Variants in TIAM1 observed in about 807,000 individuals in gnomAD.
The protein encoded by TIAM1 is rho guanine nucleotide exchange factor TIAM1.
Under a neutral mutation model 163.5 loss-of-function variants are expected in TIAM1, and 65 were observed. The ratio of observed to expected loss-of-function variants is 0.40; its 90% CI spans 0.33 to 0.49. The LOEUF is 0.49. Ranked by LOEUF, TIAM1 falls within the 20% of genes least tolerant of loss-of-function variation. TIAM1 has a pLI of 0.77. For missense variants in TIAM1, 1,789 were observed against 2,044.7 expected, an observed-to-expected ratio of 0.87 and a Z score of 2.41; for synonymous variants, 833 against 810.1, an observed-to-expected ratio of 1.03 and a Z score of -0.48.
At chr21:31,172,012 G>A (rs1199934574) in intron 15 of TIAM1, among the ~76,000 whole-genome samples, 1 of 152,202 alleles carries the variant, frequency 6.6e-6, no homozygotes, top group Non-Finnish European at 1.5e-5. Context: ...AGCTGAGTCT[G>A]GCCCAAACTG....
chr21:31,529,810 C>G (rs550443355), intron 1 of TIAM1, among the ~76,000 whole-genome samples: 1 of 152,192 alleles, frequency 6.6e-6, no homozygotes, highest in Admixed American at 6.5e-5. Flanking sequence ...CTCATGCCCC[C>G]TTCCTCTCGA....
rs771435936 is a variant in TIAM1 at position 31,141,319 on chromosome 21, G to C, written c.3655+6C>G. ...GGCCTGCCGGGGGTCCCAGGCCGAGGCCTACCGTCCAGGTGGTAGTGCTCC... is the reference window on the plus strand; with the variant it reads ...GGCCTGCCGGGGGTCCCAGGCCGAGCCCTACCGTCCAGGTGGTAGTGCTCC... On this transcript the variant is annotated splice_donor_region_variant and intron_variant, in intron 21 of 27. Coordinates refer to ENST00000541036, the MANE Select transcript of TIAM1 (RefSeq NM_001353694.2). This position sits in a 1 kb window ranked among gnomAD's most constrained non-coding sequence, Gnocchi z 4.7. 6.2e-7 allele frequency: 1 copy of C among 1,613,906 alleles called. No homozygotes were observed. Among genetic ancestry groups the C allele is most frequent in the Non-Finnish European group, 8.5e-7 (1 of 1,179,880 alleles).
chr21:31,164,840 A>G, intron 16 of TIAM1, 122 bp downstream of exon 16: 3 of 951,658 alleles, frequency 3.2e-6, no homozygotes, highest in Non-Finnish European at 4.7e-6. Context: ...GCAACATCTC[A>G]GAAGCAAAAA....
chr21:31,377,719 A>G (rs1250074589), intron 2 of TIAM1, among the ~76,000 whole-genome samples: 1 of 151,918 alleles, frequency 6.6e-6, no homozygotes, highest in Non-Finnish European at 1.5e-5. Context: ...GGGTATTTAG[A>G]CTTTGTACTG....
intron 2 of TIAM1, among the ~76,000 whole-genome samples, chr21:31,330,871 A>C (rs1019110594): frequency 3.3e-5 from 5 of 152,202 alleles, no homozygotes; most frequent in Non-Finnish European, 7.3e-5. Flanking sequence ...TTCTAGTGTT[A>C]GTTTTATATA....
intron 2 of TIAM1, among the ~76,000 whole-genome samples, chr21:31,280,969 T>C (rs1041710323): frequency 8.6e-5 from 13 of 150,636 alleles, no homozygotes. Flanking sequence ...TAAAAAAAAT[T>C]AGCTGGGTGT....
chr21:31,499,558 T>TAA (rs11380521), intron 1 of TIAM1, among the ~76,000 whole-genome samples: 15 of 149,506 alleles, frequency 1.0e-4, no homozygotes, highest in Non-Finnish European at 1.0e-4. Context: ...AAATTAAGAC[T>TAA]AAAAAAAAAA....
chr21:31,401,661 G>T (rs1449787941), intron 2 of TIAM1, among the ~76,000 whole-genome samples: 1 of 152,142 alleles, frequency 6.6e-6, no homozygotes, highest in Non-Finnish European at 1.5e-5. Flanking sequence ...TTGGGCTCAT[G>T]CCTGTAATCC....
chr21:31,251,865 C>A lies in TIAM1; in HGVS notation c.1288G>T (p.Ala430Ser), dbSNP rs1190509778. 6.2e-7 allele frequency: 1 copy of A among 1,613,854 alleles called. No individual in the cohort carries two copies. Among genetic ancestry groups the A allele is most frequent in the East Asian group, 2.2e-5 (1 of 44,846 alleles). The part of the protein sequence containing the change: ...PGQSDILLTA[A>S]QGTVRKAGAL... ...CCGGCCTTGCGCACCGTGCCCTGTG[C>A]GGCGGTCAGCAGGATGTCCGACTGG... The change falls in exon 5 of 28, where the codon GCA becomes TCA. Residue 430 changes from alanine to serine, a missense_variant. Around this residue, in one of 5 missense-constraint regions of TIAM1, gnomAD observed 456 missense variants for 586.6 expected, o/e 0.78. Coordinates refer to ENST00000541036, the MANE Select transcript of TIAM1 (RefSeq NM_001353694.2).
chr21:31,484,906 T>G (rs994633474), intron 1 of TIAM1, among the ~76,000 whole-genome samples: 2 of 152,194 alleles, frequency 1.3e-5, no homozygotes, highest in Non-Finnish European at 2.9e-5. Flanking sequence ...GGGATTAGTG[T>G]GCTTATACAA....
At chr21:31,211,688 A>T (rs1489862011) in intron 10 of TIAM1, among the ~76,000 whole-genome samples, 2 of 152,210 alleles carry the variant, frequency 1.3e-5, no homozygotes, top group Admixed American at 1.3e-4. Context: ...GACTCCAGGG[A>T]AGGAATTGTC....
intron 6 of TIAM1, among the ~76,000 whole-genome samples, chr21:31,233,346 G>C (rs2088545961): frequency 1.3e-5 from 2 of 152,042 alleles, no homozygotes; most frequent in African/African-American, 4.8e-5. Context: ...CTTTTTTCTT[G>C]TTGATTCTAT....
intron 13 of TIAM1, among the ~76,000 whole-genome samples, chr21:31,188,484 G>A (rs2085401208): frequency 1.3e-5 from 2 of 152,110 alleles, no homozygotes; most frequent in African/African-American, 2.4e-5. Flanking sequence ...CAAGGGCTAC[G>A]TCATAGGAAA....
intron 2 of TIAM1, among the ~76,000 whole-genome samples, chr21:31,311,879 T>C (rs952602806): frequency 6.6e-6 from 1 of 152,112 alleles, no homozygotes; most frequent in African/African-American, 2.4e-5. Flanking sequence ...GTGGGCATCA[T>C]CTAATCAGCT....
rs1269189907 is a variant in TIAM1 at position 31,210,685 on chromosome 21, AAAAGAAAGAAAGAAAGAAAG to A, written c.2218-490_2218-471del. 1.6e-4 allele frequency among the ~76,000 whole-genome samples: 7 copies of A among 42,646 alleles called. 1 individual carries two copies. The highest frequency in any genetic ancestry group is 8.4e-4 in the South Asian group (1 of 1,194). The allele number at this position is 42,646 out of a possible 152,430, so 28.0% of individuals were successfully genotyped here. A position where few individuals can be genotyped will look rare whatever the true frequency, so the allele number is the denominator to read the frequency against. ...AGAAAGAAAAAGAAAGAAAGAAAGA[AAAAGAAAGAAAGAAAGAAAG>A]AGAAAGAAAGAGAAAGAAAGAAAGA... On this transcript the variant is annotated intron_variant, in intron 10 of 27. Coordinates refer to ENST00000541036, the MANE Select transcript of TIAM1 (RefSeq NM_001353694.2).
intron 4 of TIAM1, among the ~76,000 whole-genome samples, chr21:31,265,230 G>T (rs989534023): frequency 7.3e-6 from 1 of 136,824 alleles, no homozygotes; most frequent in Non-Finnish European, 1.5e-5. Flanking sequence ...TTTTGAGATG[G>T]AGTCTCGCTT....
chr21:31,471,534 T>C (rs1262070078), intron 1 of TIAM1, among the ~76,000 whole-genome samples: 5 of 152,104 alleles, frequency 3.3e-5, no homozygotes, highest in Non-Finnish European at 7.4e-5. Context: ...CAAGGGAGGT[T>C]GATGGAATCA....
At chr21:31,329,761 A>C (rs1300770852) in intron 2 of TIAM1, among the ~76,000 whole-genome samples, 1 of 152,238 alleles carries the variant, frequency 6.6e-6, no homozygotes, top group African/African-American at 2.4e-5. Flanking sequence ...CCAAGCCGAC[A>C]GGCTGCAAAG....
chr21:31,507,366 C>A (rs952657776), intron 1 of TIAM1, among the ~76,000 whole-genome samples: 1 of 150,900 alleles, frequency 6.6e-6, no homozygotes, highest in Non-Finnish European at 1.5e-5. Flanking sequence ...CACCATGCCC[C>A]GCTAATTTTT....
Sources: gnomAD v4.1 joint callset for allele counts (sites outside exome capture counted in the v4.1 genomes callset) on GRCh38, gnomAD v4.1.1 for gene constraint, gnomAD v4.1.1 regional missense constraint, Gnocchi (gnomAD v3.1) non-coding constraint, MANE v1.5 for transcripts, NCBI Gene and HGNC (gene_info 2026-07-23, HGNC 2026-07-21) for gene names.